Variants in WTIP observed in about 807,000 individuals in gnomAD.
WTIP encodes WT1 interacting protein.
Under a neutral mutation model 41.7 loss-of-function variants are expected in WTIP, and 23 were observed. The observed-to-expected ratio is 0.55, with a 90% CI of 0.40 to 0.78. The LOEUF (loss-of-function observed/expected upper bound fraction) is 0.78, where lower values mean the gene tolerates loss of function less well. Among genes scored for constraint, WTIP ranks in the 30% least tolerant of loss-of-function variants. The pLI, the probability that WTIP is intolerant of heterozygous loss-of-function variation, is 0.00. For synonymous variants in WTIP, 314 were observed against 269.9 expected (o/e 1.16, Z -1.60); for missense variants, 619 against 610.5 (o/e 1.01, Z -0.15).
chr19:34,491,070 C>T (rs1422624056), intron 2 of WTIP, among the ~76,000 whole-genome samples: 3 of 151,830 alleles, frequency 2.0e-5, no homozygotes, highest in Admixed American at 6.6e-5. Flanking sequence ...TCAAGTGATC[C>T]GCCTGCCTCG....
At chr19:34,489,662 C>A (rs892722611) in intron 1 of WTIP, among the ~76,000 whole-genome samples, 8 of 152,188 alleles carry the variant, frequency 5.3e-5, no homozygotes, top group Admixed American at 3.3e-4. Context: ...CCATGATAGG[C>A]TGGGTGTGGT....
chr19:34,492,939 T>G, intron 2 of WTIP, 98 bp from the exon 3 acceptor site: 4 of 1,148,644 alleles, frequency 3.5e-6, no homozygotes, highest in Non-Finnish European at 2.6e-6. Context: ...CATAACCCAG[T>G]GTCTCATCTG....
intron 1 of WTIP, among the ~76,000 whole-genome samples, chr19:34,489,681 G>A (rs1056831764): frequency 6.6e-6 from 1 of 152,214 alleles, no homozygotes; most frequent in African/African-American, 2.4e-5. Flanking sequence ...GTGACTCCAC[G>A]CCTGTAATTG....
At chr19:34,495,892 C>G (rs2075850569) in intron 7 of WTIP, 121 bp downstream of exon 7, 4 of 978,176 alleles carry the variant, frequency 4.1e-6, no homozygotes, top group African/African-American at 1.6e-5. Context: ...CTCGGTGGTT[C>G]ATGCCTGTAA....
At chr19:34,495,221 C>A (rs975249185) in intron 6 of WTIP, among the ~76,000 whole-genome samples, 4 of 152,046 alleles carry the variant, frequency 2.6e-5, no homozygotes, top group Admixed American at 2.0e-4. Context: ...CCTAGTGAGA[C>A]CCCATTTCTA....
Position 34,493,265 on chromosome 19 carries a change from C to T in WTIP, c.840C>T (p.Tyr280=). 1 of 1,613,746 alleles carries T rather than the reference C, an allele frequency of 6.2e-7. No individual in the cohort carries two copies. The highest frequency in any genetic ancestry group is 1.1e-5 in the South Asian group (1 of 91,056). Residue 280 remains tyrosine (Y), a splice_region_variant and synonymous_variant, in exon 4 of 8, where the codon TAC becomes TAT. Transcript: ENST00000590071. This position sits in a 1 kb window ranked among gnomAD's most constrained non-coding sequence, Gnocchi z 4.1. ...CTGGATCCTGTGTCCCCTCCCAGTACTCCGGGTTCCAGCAGACGGCCGACA... is the reference window on the plus strand; with the variant it reads ...CTGGATCCTGTGTCCCCTCCCAGTATTCCGGGTTCCAGCAGACGGCCGACA... ...EKVYCQEDFL[Y]SGFQQTADKC...
At chr19:34,491,955 T>C (rs1279228728) in intron 2 of WTIP, among the ~76,000 whole-genome samples, 2 of 152,100 alleles carry the variant, frequency 1.3e-5, no homozygotes, top group East Asian at 3.9e-4. Flanking sequence ...TATCTTGCCC[T>C]TTTTCAGTTG....
intron 1 of WTIP, among the ~76,000 whole-genome samples, chr19:34,482,995 T>C (rs1005727722): frequency 1.3e-5 from 2 of 150,544 alleles, no homozygotes; most frequent in Non-Finnish European, 3.0e-5. Context: ...TCTTTTTTTT[T>C]TTTCTTTCTT....
At chr19:34,488,239 C>G (rs12979367) in intron 1 of WTIP, among the ~76,000 whole-genome samples, 1 of 152,008 alleles carries the variant, frequency 6.6e-6, no homozygotes. Flanking sequence ...CCTCGCCTGG[C>G]TAATTTTTGT....
Position 34,508,711 on chromosome 19 carries a change from G to C in WTIP, c.*8442G>C, listed in dbSNP as rs947795072. ...GCCTCTCCCCCTGCCTTCTGGGACT[G>C]GAAGTTCCTAGGAGTCCGGAAGTGC... On this transcript the variant is annotated 3_prime_UTR_variant, in exon 8 of 8. Transcript: ENST00000590071. 38 of 152,462 alleles carry C rather than the reference G, an allele frequency of 2.5e-4. No homozygotes were observed. Among genetic ancestry groups the C allele is most frequent in the African/African-American group, 8.9e-4 (37 of 41,452 alleles). The allele number at this position is 152,462 out of a possible 1,614,324, so 9.4% of individuals were successfully genotyped here.
rs529258588 is a variant in WTIP, at chr19:34,500,403, C to T, written c.*134C>T. ...CGAGCTGCTGTCTGCAGGGGCCGGACCCCCGCGTGGAAGCTTCTATTTATT... is the reference window on the plus strand; with the variant it reads ...CGAGCTGCTGTCTGCAGGGGCCGGATCCCCGCGTGGAAGCTTCTATTTATT... On this transcript the variant is annotated 3_prime_UTR_variant, in exon 8 of 8. Coordinates refer to ENST00000590071, the MANE Select transcript of WTIP (RefSeq NM_001080436.2). 3.2e-6 allele frequency: 4 copies of T among 1,242,664 alleles called. No individual in the cohort carries two copies. Among genetic ancestry groups the T allele is most frequent in the African/African-American group, 3.0e-5 (2 of 66,278 alleles). 77.0% of individuals were successfully genotyped at this position (1,242,664 alleles called of 1,614,324 possible).
At chr19:34,487,614 G>T (rs1424777666) in intron 1 of WTIP, among the ~76,000 whole-genome samples, 1 of 152,214 alleles carries the variant, frequency 6.6e-6, no homozygotes, top group Admixed American at 6.5e-5. Context: ...AGATGGGGAC[G>T]GCTAGGAGAT....
intron 1 of WTIP, among the ~76,000 whole-genome samples, chr19:34,488,159 T>C (rs572573702): frequency 6.6e-6 from 1 of 151,804 alleles, no homozygotes; most frequent in East Asian, 1.9e-4. Context: ...CACTGCAACC[T>C]CCGCCCCCCA....
rs1471181747 is a variant in WTIP, at chr19:34,506,819, A to G, written c.*6550A>G. 6.6e-6 allele frequency: 1 copy of G among 152,078 alleles called. No individual in the cohort carries two copies. The highest frequency in any genetic ancestry group is 1.9e-4 in the East Asian group (1 of 5,190). The allele number at this position is 152,078 out of a possible 1,614,324, so 9.4% of individuals were successfully genotyped here. A position where few individuals can be genotyped will look rare whatever the true frequency, so the allele number is the denominator to read the frequency against. The stretch of plus-strand genomic sequence containing the variant: ...AAATGAATATAAATAAAACTGGTTA[A>G]AAATTGAGTCTCCCTGAAGTAGGTG... On this transcript the variant is annotated 3_prime_UTR_variant, in exon 8 of 8. Transcript: ENST00000590071.
chr19:34,487,064 G>A (rs1351278685), intron 1 of WTIP, among the ~76,000 whole-genome samples: 1 of 147,760 alleles, frequency 6.8e-6, no homozygotes, highest in Non-Finnish European at 1.5e-5. Context: ...AAAGTGCTGA[G>A]ATTACAGGCA....
chr19:34,496,234 C>T (rs550706024), intron 7 of WTIP, among the ~76,000 whole-genome samples: 20 of 152,314 alleles, frequency 1.3e-4, no homozygotes, highest in Non-Finnish European at 2.5e-4. Flanking sequence ...TGCAGTGGCA[C>T]GATTATAGCT....
intron 1 of WTIP, 131 bp from the exon 2 acceptor site, chr19:34,490,245 C>T (rs901978473): frequency 9.4e-6 from 7 of 741,600 alleles, no homozygotes; most frequent in African/African-American, 3.5e-5. Context: ...CATCAGTAAT[C>T]GAGTGATGTT....
chr19:34,488,264 T>C (rs1484906320), intron 1 of WTIP, among the ~76,000 whole-genome samples: 1 of 152,064 alleles, frequency 6.6e-6, no homozygotes, highest in Non-Finnish European at 1.5e-5. Context: ...TTAGTAGAGA[T>C]GGTGTTTCAC....
At chr19:34,484,655 G>T (rs572727954) in intron 1 of WTIP, among the ~76,000 whole-genome samples, 1 of 152,274 alleles carries the variant, frequency 6.6e-6, no homozygotes, top group East Asian at 1.9e-4. Flanking sequence ...CCCGGGGGAG[G>T]GGGGTGTTCT....
Sources: allele counts gnomAD v4.1 joint callset (sites outside exome capture counted in the v4.1 genomes callset), GRCh38; gene constraint gnomAD v4.1.1; non-coding constraint Gnocchi (gnomAD v3.1); transcripts MANE v1.5; gene names NCBI Gene and HGNC (gene_info 2026-07-23, HGNC 2026-07-21).